ADGRD2: variants seen among roughly 807,000 people sequenced by gnomAD.
The protein encoded by ADGRD2 is G protein-coupled receptor PGR24.
Under a neutral mutation model 44.4 loss-of-function variants are expected in ADGRD2, and 71 were observed. That is an observed-to-expected ratio of 1.60 (90% CI 1.32 to 1.95). The LOEUF (loss-of-function observed/expected upper bound fraction) is 1.95. ADGRD2 is among the 30% of genes most tolerant of loss of function. The pLI is 0.00. For synonymous variants in ADGRD2, 481 were observed against 224.8 expected (o/e 2.14, Z -10.19); for missense variants, 1,039 against 512.4 (o/e 2.03, Z -9.92).
In ADGRD2 at chr9:124,475,618, G is replaced by A. The variant is rs1245618528; in HGVS notation, c.2845+3G>A. Reference sequence around the variant, plus strand: ...TGGCTGAGAAGAAGGTGGCCGAGGTGCTCAGGGCACTGGGGGTGTGGGTGG... The same window carrying A: ...TGGCTGAGAAGAAGGTGGCCGAGGTACTCAGGGCACTGGGGGTGTGGGTGG... On this transcript the variant is annotated splice_donor_region_variant and intron_variant, in intron 19 of 21. Transcript: ENST00000334810. 1.5e-6 allele frequency: 1 copy of A among 685,234 alleles called. No individual in the cohort carries two copies. Among genetic ancestry groups the A allele is most frequent in the East Asian group, 2.8e-5 (1 of 35,730 alleles). 42.4% of individuals were successfully genotyped at this position (685,234 alleles called of 1,614,324 possible). A position where few individuals can be genotyped will look rare whatever the true frequency, so the allele number is the denominator to read the frequency against.
intron 10 of ADGRD2, among the ~76,000 whole-genome samples, chr9:124,463,555 G>A (rs1831757254): frequency 6.6e-6 from 1 of 152,204 alleles, no homozygotes; most frequent in South Asian, 2.1e-4. Context: ...CTTCTCCAGT[G>A]AATTCCTCTG....
chr9:124,457,955 C>T (rs1001474624), intron 8 of ADGRD2, among the ~76,000 whole-genome samples, 158 bp from the exon 12 acceptor site: 2 of 152,200 alleles, frequency 1.3e-5, no homozygotes, highest in African/African-American at 4.8e-5. Flanking sequence ...AATTTTGGCT[C>T]TTCCACTTCT....
chr9:124,450,875 C>T (rs1831453852), upstream of ADGRD2, among the ~76,000 whole-genome samples: 1 of 152,232 alleles, frequency 6.6e-6, no homozygotes, highest in Non-Finnish European at 1.5e-5. Context: ...TGTCAGGACA[C>T]CGTGTTTTCT....
At chr9:124,453,502 A>T (rs1442529563) in exon 3 of ADGRD2, 1 of 700,002 alleles carries the variant, frequency 1.4e-6, no homozygotes, top group East Asian at 2.8e-5. Flanking sequence ...TCACGCCCTC[A>T]GCGGCAACCT....
chr9:124,469,379 G>A (rs1831899129), intron 15 of ADGRD2, 24 bp downstream of exon 18: 2 of 718,324 alleles, frequency 2.8e-6, no homozygotes, highest in East Asian at 5.4e-5. Flanking sequence ...CTGCAGGGGA[G>A]GGGCGTGTTG....
Position 124,469,283 on chromosome 9 carries a change from CG to C in ADGRD2, c.2451del (p.Gly818AspfsTer23). On this transcript the variant is annotated frameshift_variant, in exon 15 of 22. Transcript: ENST00000334810. LOFTEE classifies it high-confidence loss of function. Reference sequence around the variant, plus strand: ...TGCTCCCCCATGACTACGTGGCCCCCGGACATTGCTGGCTCAATGTGCACAC... The same window carrying C: ...TGCTCCCCCATGACTACGTGGCCCCCGACATTGCTGGCTCAATGTGCACAC... The C allele has an allele frequency of 1.4e-6, 1 of 717,908 alleles. No individual in the cohort carries two copies. The highest frequency in any genetic ancestry group is 1.5e-5 in the South Asian group (1 of 67,602). 44.5% of individuals were successfully genotyped at this position (717,908 alleles called of 1,614,324 possible).
intron 10 of ADGRD2, among the ~76,000 whole-genome samples, chr9:124,461,644 A>G (rs187439183): frequency 1.3e-5 from 2 of 151,024 alleles, no homozygotes; most frequent in African/African-American, 4.8e-5. Context: ...TTATATGCCT[A>G]TCCCTATGTT....
In ADGRD2 at chr9:124,453,249, C is replaced by A. The variant is rs565607439; in HGVS notation, c.498C>A (p.Val166=). The A allele has an allele frequency of 3.1e-4, 172 of 555,000 alleles. 2 individuals carry two copies. In the South Asian group the frequency reaches 3.7e-3, roughly 12 times the overall value. 34.4% of individuals were successfully genotyped at this position (555,000 alleles called of 1,614,324 possible). Residue 166 remains valine, a synonymous_variant, in exon 3 of 22, where the codon GTC becomes GTA. Coordinates refer to ENST00000334810, the Ensembl canonical transcript of ADGRD2. ...GCGCCTTCGCCGAGCCGGGGGGCGT[C>A]GTGCGCGCTGCGCTGGTGGTGCGTG...
At chr9:124,463,941 G>A (rs944282204) in intron 10 of ADGRD2, among the ~76,000 whole-genome samples, 9 of 152,014 alleles carry the variant, frequency 5.9e-5, no homozygotes, top group South Asian at 2.1e-4. Context: ...GGGATCAAGC[G>A]ATCCTTCCAG....
rs988952545 is a variant in ADGRD2 at position 124,467,711 on chromosome 9, C to T, written c.2027-10C>T. The T allele has an allele frequency of 2.8e-6, 2 of 718,218 alleles. No individual in the cohort carries two copies. The highest frequency in any genetic ancestry group is 2.7e-5 in the East Asian group (1 of 37,292). 44.5% of individuals were successfully genotyped at this position (718,218 alleles called of 1,614,324 possible). A position where few individuals can be genotyped will look rare whatever the true frequency, so the allele number is the denominator to read the frequency against. On this transcript the variant is annotated splice_polypyrimidine_tract_variant and intron_variant, in intron 11 of 21. Transcript: ENST00000334810. Reference sequence around the variant, plus strand: ...TGGTGCCAGGGGGGTTTCTCTGTCCCTCCACACAGAGAGGCCCTGAGGAGG... The same window carrying T: ...TGGTGCCAGGGGGGTTTCTCTGTCCTTCCACACAGAGAGGCCCTGAGGAGG...
At chr9:124,468,373 G>A (rs1588607061) in intron 13 of ADGRD2, 146 bp from the exon 17 acceptor site, 3 of 679,160 alleles carry the variant, frequency 4.4e-6, no homozygotes, top group Non-Finnish European at 8.0e-6. Context: ...GCCCCGAATG[G>A]TGGAGCGGGG....
rs1046619313 is a variant in ADGRD2, at chr9:124,458,382, A to C, written c.1764+146A>C. The C allele has an allele frequency of 1.6e-5, 10 of 626,362 alleles. No individual in the cohort carries two copies. In the Admixed American group the frequency reaches 1.8e-4, roughly 11 times the overall value. The allele number at this position is 626,362 out of a possible 1,614,324, so 38.8% of individuals were successfully genotyped here. On this transcript the variant is annotated intron_variant, in intron 9 of 21. Transcript: ENST00000334810. ...CTGCCCAACACACACACACTTCTGC[A>C]CCTGCCAGAGGTGAACACGGCTCAA...
At chr9:124,469,655 G>A (rs944372478) in intron 16 of ADGRD2, 108 bp downstream of exon 19, 24 of 666,940 alleles carry the variant, frequency 3.6e-5, no homozygotes, top group Non-Finnish European at 5.8e-5. Context: ...TGTCCAGAGC[G>A]TGACCGTGTG....
In ADGRD2 at chr9:124,469,147, T is replaced by G. The variant is rs1421438583; in HGVS notation, c.2388-75T>G. The stretch of plus-strand genomic sequence containing the variant: ...CCTCCAGTAGGGGACAGCTGCGGCT[T>G]GGGGGGCGGATCCTGGGTCCTGGAG... On this transcript the variant is annotated intron_variant, in intron 14 of 21. Transcript: ENST00000334810. 12 of 655,202 alleles carry G rather than the reference T, an allele frequency of 1.8e-5. No individual in the cohort carries two copies. The East Asian group carries it at 2.7e-4, about 15-fold the overall frequency. The allele number at this position is 655,202 out of a possible 1,614,324, so 40.6% of individuals were successfully genotyped here. A position where few individuals can be genotyped will look rare whatever the true frequency, so the allele number is the denominator to read the frequency against.
chr9:124,463,661 G>A (rs1831759366), intron 10 of ADGRD2, among the ~76,000 whole-genome samples: 2 of 152,114 alleles, frequency 1.3e-5, no homozygotes, highest in Admixed American at 1.3e-4. Flanking sequence ...TCTTGAGATG[G>A]TTTGGTAATT....
At position 124,454,840 on chromosome 9, in the gene ADGRD2, C is replaced by G; in HGVS notation, c.1109-3C>G. 1 of 693,166 alleles carries G rather than the reference C, an allele frequency of 1.4e-6. No individual in the cohort carries two copies. The highest frequency in any genetic ancestry group is 1.8e-5 in the African/African-American group (1 of 57,138). The allele number at this position is 693,166 out of a possible 1,614,324, so 42.9% of individuals were successfully genotyped here. A position where few individuals can be genotyped will look rare whatever the true frequency, so the allele number is the denominator to read the frequency against. On this transcript the variant is annotated splice_polypyrimidine_tract_variant and splice_region_variant and intron_variant, in intron 5 of 21. Coordinates refer to ENST00000334810, the Ensembl canonical transcript of ADGRD2. The surrounding 1 kb of genome is among the most constrained non-coding windows in gnomAD (Gnocchi z 4.5). ...CCAGAGTCAGTGGCTCCTCTGTCCA[C>G]AGCTCCTCCCGGACCCCCTCTCCGA...
intron 21 of ADGRD2, chr9:124,477,186 G>A (rs530946109): frequency 4.7e-5 from 19 of 402,536 alleles, no homozygotes; most frequent in African/African-American, 2.7e-4. Context: ...ACAGCTGATG[G>A]GGGCATGACG....
intron 21 of ADGRD2, among the ~76,000 whole-genome samples, chr9:124,477,428 G>A (rs1223828248): frequency 6.6e-6 from 1 of 152,222 alleles, no homozygotes; most frequent in East Asian, 1.9e-4. Context: ...GCCCCTCCCA[G>A]GGGCAGGTTC....
chr9:124,464,378 C>T (rs1831775299), intron 10 of ADGRD2, among the ~76,000 whole-genome samples: 1 of 152,186 alleles, frequency 6.6e-6, no homozygotes, highest in African/African-American at 2.4e-5. Context: ...AAAGCCCTTG[C>T]TCTTTCAGCA....
Sources: gnomAD v4.1 joint callset for allele counts (sites outside exome capture counted in the v4.1 genomes callset) on GRCh38, gnomAD v4.1.1 for gene constraint, Gnocchi (gnomAD v3.1) non-coding constraint, MANE v1.5 for transcripts, NCBI Gene and HGNC (gene_info 2026-07-23, HGNC 2026-07-21) for gene names.